The following PCNX3 variants were observed in gnomAD, a reference collection of about 807,000 sequenced individuals.
PCNX3 encodes pecanex-like protein 3.
PCNX3 carries 58 observed loss-of-function variants against 207.2 expected under a neutral mutation model. The ratio of observed to expected loss-of-function variants is 0.28; its 90% CI spans 0.23 to 0.35. PCNX3 has a LOEUF of 0.35. PCNX3 is among the 10% of genes least tolerant of loss of function. The pLI, the probability that PCNX3 is intolerant of heterozygous loss-of-function variation, is 1.00. For synonymous variants in PCNX3, 1,337 were observed against 1,183.5 expected (o/e 1.13, Z -2.66); for missense variants, 2,410 against 2,774.4 (o/e 0.87, Z 2.95).
rs748411407 is a variant in PCNX3 at position 65,637,210 on chromosome 11, C to G, written c.*232C>G. On this transcript the variant is annotated 3_prime_UTR_variant, in exon 35 of 35. Coordinates refer to ENST00000355703, the MANE Select transcript of PCNX3 (RefSeq NM_032223.4). ...TCCCCAGATGGAGGCAGTCAGCCTC[C>G]CAGCCAGGCCCTAAGAGCCAAACCA... The G allele has an allele frequency of 1.8e-6, 1 of 568,752 alleles. No individual in the cohort carries two copies. The highest frequency in any genetic ancestry group is 3.1e-6 in the Non-Finnish European group (1 of 320,442). The allele number at this position is 568,752 out of a possible 1,614,324, so 35.2% of individuals were successfully genotyped here. A position where few individuals can be genotyped will look rare whatever the true frequency, so the allele number is the denominator to read the frequency against.
rs920020868 is a variant in PCNX3, at chr11:65,637,435, T to C, written c.*457T>C. ...TCAGAATTAATAACACTATTTTTGA[T>C]TTTGGTTGGCAGTTTCTTTTTCTAC... On this transcript the variant is annotated 3_prime_UTR_variant, in exon 35 of 35. Coordinates refer to ENST00000355703, the MANE Select transcript of PCNX3 (RefSeq NM_032223.4). The C allele has an allele frequency of 6.2e-6, 1 of 162,442 alleles. No individual in the cohort carries two copies. Among genetic ancestry groups the C allele is most frequent in the Non-Finnish European group, 1.3e-5 (1 of 74,334 alleles). The allele number at this position is 162,442 out of a possible 1,614,324, so 10.1% of individuals were successfully genotyped here. A position where few individuals can be genotyped will look rare whatever the true frequency, so the allele number is the denominator to read the frequency against.
rs565071702 is a variant in PCNX3 at position 65,635,726 on chromosome 11, C to T, written c.5382C>T (p.His1794=). 2.2e-4 allele frequency: 347 copies of T among 1,606,304 alleles called. 1 individual carries two copies. Among genetic ancestry groups the T allele is most frequent in the Middle Eastern group, 5.0e-4 (3 of 6,052 alleles). Residue 1794 remains histidine, a synonymous_variant, in exon 32 of 35, where the codon CAC becomes CAT. Coordinates refer to ENST00000355703, the MANE Select transcript of PCNX3 (RefSeq NM_032223.4). This position sits in a 1 kb window ranked among gnomAD's most constrained non-coding sequence, Gnocchi z 9.9. ...SPLTTSLAGS[H]PQLRALWGGP... ...TCACCACCTCGCTGGCTGGCAGCCA[C>T]CCCCAGCTACGGGCACTGTGGGGTG... is the stretch of plus-strand genomic sequence containing the variant.
Position 65,630,493 on chromosome 11 carries a change from G to A in PCNX3, c.4359G>A (p.Glu1453=). The A allele has an allele frequency of 6.2e-7, 1 of 1,613,570 alleles. No individual in the cohort carries two copies. The highest frequency in any genetic ancestry group is 8.5e-7 in the Non-Finnish European group (1 of 1,179,882). ...AAFGQRWLAW[E]VTASKYVLEG... ...TTGGGCAGCGCTGGCTGGCTTGGGA[G>A]GTAACAGCCAGCAAGTACGTGCTGG... is the stretch of plus-strand genomic sequence containing the variant. Residue 1453 remains glutamate, a synonymous_variant, in exon 27 of 35, where the codon GAG becomes GAA. Transcript: ENST00000355703.
chr11:65,627,048 A>G lies in PCNX3; in HGVS notation c.3524A>G (p.Tyr1175Cys). ...AGCCACCCGGACAAGTACTGCTTCT[A>G]GTGAGGACCACCCCACCCTCAACGA... The part of the protein sequence containing the change: ...VVSHPDKYCF[Y>C]CRALLMTVAG... Residue 1175 changes from tyrosine (Y) to cysteine (C), a missense_variant and splice_region_variant, in exon 21 of 35, where the codon TAC becomes TGC. By Grantham distance (194) the Tyr-to-Cys change is radical (BLOSUM62 -2). This residue lies in a region of PCNX3 where 333 missense variants were observed against 386.8 expected (regional missense o/e 0.86). Transcript: ENST00000355703. 2 of 1,503,666 alleles carry G rather than the reference A, an allele frequency of 1.3e-6. No homozygotes were observed. The highest frequency in any genetic ancestry group is 1.8e-6 in the Non-Finnish European group (2 of 1,123,584). The allele number at this position is 1,503,666 out of a possible 1,614,324, so 93.1% of individuals were successfully genotyped here.
Position 65,618,811 on chromosome 11 carries a change from G to A in PCNX3, c.1449G>A (p.Lys483=), listed in dbSNP as rs1484695001. ...AGGAGGGAACTGCTGTGCCCCCCAA[G>A]CGGCCATATGGGACCCAGCGGACGC... ...GAEEGTAVPP[K]RPYGTQRTPS... The change falls in exon 6 of 35, where the codon AAG becomes AAA. Residue 483 remains lysine, a synonymous_variant. Transcript: ENST00000355703. 2 of 1,611,616 alleles carry A rather than the reference G, an allele frequency of 1.2e-6. No homozygotes were observed. Among genetic ancestry groups the A allele is most frequent in the Non-Finnish European group, 1.7e-6 (2 of 1,179,444 alleles).
rs1854699419 is a variant in PCNX3 at position 65,615,846 on chromosome 11, A to G, written c.-466A>G. On this transcript the variant is annotated 5_prime_UTR_variant, in exon 1 of 35. Coordinates refer to ENST00000355703, the MANE Select transcript of PCNX3 (RefSeq NM_032223.4). The stretch of plus-strand genomic sequence containing the variant: ...CTCCTCCTTAGGCCGGCACCAGCAG[A>G]AGCCGGGCGAGCGCGGAGCCCCAAG... 6.6e-6 allele frequency: 1 copy of G among 152,374 alleles called. No homozygotes were observed. The highest frequency in any genetic ancestry group is 1.5e-5 in the Non-Finnish European group (1 of 68,222). 9.4% of individuals were successfully genotyped at this position (152,374 alleles called of 1,614,324 possible). A position where few individuals can be genotyped will look rare whatever the true frequency, so the allele number is the denominator to read the frequency against.
chr11:65,626,869 G>A, intron 20 of PCNX3, 35 bp from the exon 21 acceptor site: 1 of 1,566,998 alleles, frequency 6.4e-7, no homozygotes, highest in East Asian at 2.4e-5. Context: ...CAGGCATGTG[G>A]AAGCCAGGTG....
Position 65,620,327 on chromosome 11 carries a change from AC to A in PCNX3, c.2009-9del, listed in dbSNP as rs1855021663. ...TCTGCCACGCTGCCTCATCTCCCAT[AC>A]CCTGCCCCAGGTGTGCGGCGTTCCT... is the stretch of plus-strand genomic sequence containing the variant. On this transcript the variant is annotated splice_polypyrimidine_tract_variant and intron_variant, in intron 8 of 34. Transcript: ENST00000355703. 1 of 1,610,490 alleles carries A rather than the reference AC, an allele frequency of 6.2e-7. No individual in the cohort carries two copies. Among genetic ancestry groups the A allele is most frequent in the Admixed American group, 1.7e-5 (1 of 59,530 alleles).
intron 8 of PCNX3, 101 bp downstream of exon 8, chr11:65,620,033 A>T: frequency 1.6e-6 from 2 of 1,240,758 alleles, no homozygotes; most frequent in Non-Finnish European, 1.1e-6. Context: ...TGGCAGGTAC[A>T]CTGCTAATGC....
At position 65,636,510 on chromosome 11, in the gene PCNX3, C is replaced by T; in HGVS notation, c.5713C>T (p.Pro1905Ser). Residue 1905 changes from proline (P) to serine (S), a missense_variant, in exon 34 of 35, where the codon CCA (proline) becomes TCA (serine). Transcript: ENST00000355703. ...GTGGCCTCCCCCTCGGCTCCCTGGA[C>T]CACCCCCTGCATCGCCTATCCCCAC... ...LQWPPPRLPG[P>S]PPASPIPTEG... 6.3e-7 allele frequency: 1 copy of T among 1,582,280 alleles called. No homozygotes were observed. Among genetic ancestry groups the T allele is most frequent in the Non-Finnish European group, 8.6e-7 (1 of 1,166,134 alleles).
Position 65,622,372 on chromosome 11 carries a change from T to A in PCNX3, c.2357+6T>A. On this transcript the variant is annotated splice_donor_region_variant and intron_variant, in intron 11 of 34. Coordinates refer to ENST00000355703, the MANE Select transcript of PCNX3 (RefSeq NM_032223.4). ...CTGCTGGCTCTGCTGGACCGGTGAG[T>A]GTCCCGCAGCCTTGGCCCCCAATTC... 6.3e-7 allele frequency: 1 copy of A among 1,589,474 alleles called. No individual in the cohort carries two copies. Among genetic ancestry groups the A allele is most frequent in the Non-Finnish European group, 8.5e-7 (1 of 1,170,570 alleles).
At chr11:65,617,132 T>C (rs1590866261) in intron 2 of PCNX3, 118 bp from the exon 3 acceptor site, 2 of 1,377,776 alleles carry the variant, frequency 1.5e-6, no homozygotes, top group East Asian at 2.5e-5. Flanking sequence ...ACACTTGTCC[T>C]GTGTTAGCCC....
chr11:65,631,251 C>T (rs1384222957), intron 27 of PCNX3, among the ~76,000 whole-genome samples: 1 of 152,098 alleles, frequency 6.6e-6, no homozygotes, highest in Admixed American at 6.6e-5. Context: ...ATGTGGGGTA[C>T]ATAAGGAGCC....
At chr11:65,617,562 C>A (rs769619179) in intron 4 of PCNX3, 49 bp from the exon 5 acceptor site, 1 of 1,613,636 alleles carries the variant, frequency 6.2e-7, no homozygotes, top group Non-Finnish European at 8.5e-7. Context: ...CAGGGGCTGG[C>A]GTGCTGTGCC....
chr11:65,622,020 C>T (rs547054975), intron 10 of PCNX3, among the ~76,000 whole-genome samples: 37 of 152,272 alleles, frequency 2.4e-4, no homozygotes, highest in African/African-American at 8.2e-4. Flanking sequence ...CACTGGGCGA[C>T]GTCCTGGGAA....
intron 11 of PCNX3, 113 bp downstream of exon 11, chr11:65,622,479 A>G (rs1855159697): frequency 1.5e-6 from 2 of 1,328,448 alleles, no homozygotes; most frequent in Non-Finnish European, 2.0e-6. Context: ...ACTCGGGGGA[A>G]GCTGAGGGCC....
At position 65,617,233 on chromosome 11, in the gene PCNX3, C is replaced by T. The variant is rs750346172; in HGVS notation, c.342-17C>T. 20 of 1,587,854 alleles carry T rather than the reference C, an allele frequency of 1.3e-5. No homozygotes were observed. The East Asian group carries it at 4.1e-4, about 33-fold the overall frequency. On this transcript the variant is annotated splice_polypyrimidine_tract_variant and intron_variant, in intron 2 of 34. Transcript: ENST00000355703. ...AGGAGAGGTTAGCTCAAAGCTGCTG[C>T]TCTTTTTCACCGCCAGGGACCCCGG...
intron 27 of PCNX3, among the ~76,000 whole-genome samples, chr11:65,631,885 C>T (rs1855629761): frequency 6.6e-6 from 1 of 152,172 alleles, no homozygotes; most frequent in Non-Finnish European, 1.5e-5. Flanking sequence ...AAAGGAAATC[C>T]TGTCCACACC....
rs1590866030 is a variant in PCNX3 at position 65,617,031 on chromosome 11, T to C, written c.341+20T>C. The C allele has an allele frequency of 6.3e-7, 1 of 1,581,684 alleles. No homozygotes were observed. Among genetic ancestry groups the C allele is most frequent in the South Asian group, 1.1e-5 (1 of 88,536 alleles). On this transcript the variant is annotated intron_variant, in intron 2 of 34. Coordinates refer to ENST00000355703, the MANE Select transcript of PCNX3 (RefSeq NM_032223.4). ...ACCCAGGTGGGTGGGGTAGGGGCTG[T>C]GCTGGGGATTGAGGGTTTTTGGTGC...
Sources: allele counts gnomAD v4.1 joint callset (sites outside exome capture counted in the v4.1 genomes callset), GRCh38; gene constraint gnomAD v4.1.1; regional missense constraint gnomAD v4.1.1; non-coding constraint Gnocchi (gnomAD v3.1); transcripts MANE v1.5; gene names NCBI Gene and HGNC (gene_info 2026-07-23, HGNC 2026-07-21).